FLG: variants seen among roughly 807,000 people sequenced by gnomAD.
FLG encodes filaggrin.
FLG carries 6 observed loss-of-function variants against 3.8 expected under a neutral mutation model. The ratio of observed to expected loss-of-function variants is 1.60; its 90% CI spans 0.87 to 3.15. The LOEUF (loss-of-function observed/expected upper bound fraction) is 3.15. Ranked by LOEUF, FLG falls within the 30% of genes most tolerant of loss-of-function variation. FLG has a pLI of 0.00. For missense variants in FLG, 7,595 were observed against 5,050.9 expected (o/e 1.50, Z -15.27); for synonymous variants, 2,551 against 1,931.6 (o/e 1.32, Z -8.41).
Position 152,309,846 on chromosome 1 carries a change from T to G in FLG, c.5040A>C (p.Arg1680Ser). ...CTGACTGCTGGTGGCGGGATCCATG[T>G]CTTTCTCCTGGACTTGACCTTGCCT... ...QEQARSSPGE[R>S]HGSRHQQSAD... is the part of the protein sequence containing the mutation. The change falls in exon 3 of 3, where the codon AGA becomes AGC. Residue 1680 changes from arginine (R) to serine (S), a missense_variant. Coordinates refer to ENST00000368799, the MANE Select transcript of FLG (RefSeq NM_002016.2). 1 of 1,614,128 alleles carries G rather than the reference T, an allele frequency of 6.2e-7. No homozygotes were observed. The highest frequency in any genetic ancestry group is 8.5e-7 in the Non-Finnish European group (1 of 1,180,024).
chr1:152,310,116 C>A lies in FLG; in HGVS notation c.4770G>T (p.Gln1590His). Residue 1590 changes from glutamine to histidine, a missense_variant, in exon 3 of 3, where the codon CAG becomes CAT. Coordinates refer to ENST00000368799, the MANE Select transcript of FLG (RefSeq NM_002016.2). Reference protein sequence around the residue: ...ESAGSKTSRRQGSSVSQDRDS... With the variant: ...ESAGSKTSRRHGSSVSQDRDS... ...CCCTGTCCTGACTAACACTGGATCC[C>A]TGGCGCCTGCTTGTCTTGGACCCCG... The A allele has an allele frequency of 6.2e-7, 1 of 1,613,952 alleles. No individual in the cohort carries two copies. Among genetic ancestry groups the A allele is most frequent in the South Asian group, 1.1e-5 (1 of 91,068 alleles).
Position 152,302,705 on chromosome 1 carries a change from C to A in FLG, c.12181G>T (p.Glu4061Ter), listed in dbSNP as rs769442034. 2.9e-5 allele frequency: 47 copies of A among 1,613,208 alleles called. No individual in the cohort carries two copies. Among genetic ancestry groups the A allele is most frequent in the Middle Eastern group, 1.6e-4 (1 of 6,082 alleles). ...ATTCCTTTGCCATTAATTTCTTACT[C>A]ATAGTAATAGTATCTCTGTGACTGA... The part of the protein sequence containing the change: ...FSQSQRYYYY[E>*] The change falls in exon 3 of 3, where the codon GAG becomes TAG. Residue 4061 changes from glutamate to a stop codon, truncating the protein, a stop_gained. Transcript: ENST00000368799. LOFTEE classifies it high-confidence loss of function.
At position 152,308,323 on chromosome 1, in the gene FLG, C is replaced by T; in HGVS notation, c.6563G>A (p.Ser2188Asn). 6.2e-7 allele frequency: 1 copy of T among 1,613,790 alleles called. No individual in the cohort carries two copies. Among genetic ancestry groups the T allele is most frequent in the Non-Finnish European group, 8.5e-7 (1 of 1,179,848 alleles). ...DASRGQSGSR[S>N]ASRKTYDKEQ... ...CTTGTCATATGTTTTTCTGCTTGCA[C>T]TTCTGGATCCTGACTGCCCACGGGA... The change falls in exon 3 of 3, where the codon AGT becomes AAT. Residue 2188 changes from serine (S) to asparagine (N), a missense_variant. Ser to Asn is a conservative substitution (Grantham distance 46). Coordinates refer to ENST00000368799, the MANE Select transcript of FLG (RefSeq NM_002016.2).
chr1:152,313,997 C>A lies in FLG; in HGVS notation c.889G>T (p.Val297Phe), dbSNP rs760545827. The A allele has an allele frequency of 1.2e-6, 2 of 1,614,126 alleles. No individual in the cohort carries two copies. Among genetic ancestry groups the A allele is most frequent in the African/African-American group, 2.7e-5 (2 of 74,940 alleles). The stretch of plus-strand genomic sequence containing the variant: ...CCCTCACTGTCCCTGTCCTGGCTAA[C>A]TCTGGATCCCCTACGCTTTCTTGTC... The part of the protein sequence containing the change: ...SRTRKRRGSR[V>F]SQDRDSEGHS... Residue 297 changes from valine (V) to phenylalanine (F), a missense_variant, in exon 3 of 3, where the codon GTT (valine) becomes TTT (phenylalanine). Val to Phe is a conservative substitution (Grantham distance 50, BLOSUM62 -1). Coordinates refer to ENST00000368799, the MANE Select transcript of FLG (RefSeq NM_002016.2).
rs747552589 is a variant in FLG at position 152,302,932 on chromosome 1, T to C, written c.11954A>G (p.Asp3985Gly). ...GTGTCTAAACCCGGATTCACCATAA[T>C]CATAATCTGCACTACCATAGCTGCC... ...RHGSYGSADY[D>G]YGESGFRHSQ... is the part of the protein sequence containing the mutation. Residue 3985 changes from aspartate (D) to glycine (G), a missense_variant, in exon 3 of 3, where the codon GAT (aspartate) becomes GGT (glycine). By Grantham distance (94) the Asp-to-Gly change is moderately conservative. Coordinates refer to ENST00000368799, the MANE Select transcript of FLG (RefSeq NM_002016.2). 2 of 1,614,184 alleles carry C rather than the reference T, an allele frequency of 1.2e-6. No individual in the cohort carries two copies. The highest frequency in any genetic ancestry group is 1.1e-5 in the South Asian group (1 of 91,068).
At position 152,302,967 on chromosome 1, in the gene FLG, A is replaced by G. The variant is rs775091760; in HGVS notation, c.11919T>C (p.Val3973=). The change falls in exon 3 of 3, where the codon GTT becomes GTC. Residue 3973 remains valine (V), a synonymous_variant. Coordinates refer to ENST00000368799, the MANE Select transcript of FLG (RefSeq NM_002016.2). ...TERQKGQSGL[V]WRHGSYGSAD... ...CACTACCATAGCTGCCATGTCTCCA[A>G]ACTAAACCTGATTGACCTTTTTGCC... is the stretch of plus-strand genomic sequence containing the variant. 17 of 1,614,152 alleles carry G rather than the reference A, an allele frequency of 1.1e-5. No individual in the cohort carries two copies. The highest frequency in any genetic ancestry group is 6.6e-5 in the South Asian group (6 of 91,076).
In FLG at chr1:152,321,057, T is replaced by A. The variant is rs371992821; in HGVS notation, c.-22+4132A>T. On this transcript the variant is annotated intron_variant, in intron 1 of 2. Coordinates refer to ENST00000368799, the MANE Select transcript of FLG (RefSeq NM_002016.2). ...GCCTAATAGATATTTATAGCCTATA[T>A]ATATATACACACACACATATATACA... Among the ~76,000 whole-genome samples, 121 of 151,046 alleles carry A rather than the reference T, an allele frequency of 8.0e-4. 3 individuals are homozygous for A. The South Asian group carries it at 9.5e-3, about 12-fold the overall frequency.
At chr1:152,324,390 T>G (rs1653080233) in intron 1 of FLG, among the ~76,000 whole-genome samples, 1 of 151,962 alleles carries the variant, frequency 6.6e-6, no homozygotes, top group African/African-American at 2.4e-5. Flanking sequence ...TTTTTAACTA[T>G]GTATGCTCTA....
At position 152,311,450 on chromosome 1, in the gene FLG, G is replaced by C. The variant is rs376703034; in HGVS notation, c.3436C>G (p.His1146Asp). 1 of 1,613,794 alleles carries C rather than the reference G, an allele frequency of 6.2e-7. No homozygotes were observed. The highest frequency in any genetic ancestry group is 1.3e-5 in the African/African-American group (1 of 74,856). ...TSTGRRQGSHHEQARDSSRHS... is the reference protein window; with the variant it reads ...TSTGRRQGSHDEQARDSSRHS... ...CTGGAGCTGTCTCGTGCCTGCTCGT[G>C]GTGGGATCCTTGTCTTCGTCCAGTG... is the stretch of plus-strand genomic sequence containing the variant. Residue 1146 changes from histidine to aspartate, a missense_variant, in exon 3 of 3, where the codon CAC (histidine) becomes GAC (aspartate). Physicochemically the swap from His to Asp is moderately conservative, Grantham distance 81. Coordinates refer to ENST00000368799, the MANE Select transcript of FLG (RefSeq NM_002016.2).
rs1651951282 is a variant in FLG, at chr1:152,306,184, G to C, written c.8702C>G (p.Ser2901Ter). The change falls in exon 3 of 3, where the codon TCA becomes TGA. Residue 2901 changes from serine to a stop codon, truncating the protein, a stop_gained. Coordinates refer to ENST00000368799, the MANE Select transcript of FLG (RefSeq NM_002016.2). LOFTEE classifies it low-confidence loss of function (END_TRUNC). ...VSQDSDSEGH[S>*]EDSERWSGSA... ...CCCAGACCACCTCTCAGAGTCTTCT[G>C]AATGTCCCTCACTGTCACTGTCCTG... 1 of 1,603,128 alleles carries C rather than the reference G, an allele frequency of 6.2e-7. No individual in the cohort carries two copies. Among genetic ancestry groups the C allele is most frequent in the Non-Finnish European group, 8.5e-7 (1 of 1,180,042 alleles).
rs1652663486 is a variant in FLG, at chr1:152,314,023, C to G, written c.863G>C (p.Arg288Thr). Residue 288 changes from arginine to threonine, a missense_variant, in exon 3 of 3, where the codon AGG becomes ACG. Physicochemically the swap from Arg to Thr is moderately conservative, Grantham distance 71. Coordinates refer to ENST00000368799, the MANE Select transcript of FLG (RefSeq NM_002016.2). ...TCTGGATCCCCTACGCTTTCTTGTC[C>G]TGGACTCCTGCAATGGTACCTGGCT... ...NTSQVPLQES[R>T]TRKRRGSRVS... 1 of 1,614,034 alleles carries G rather than the reference C, an allele frequency of 6.2e-7. No homozygotes were observed. The highest frequency in any genetic ancestry group is 8.5e-7 in the Non-Finnish European group (1 of 1,180,030).
Position 152,313,939 on chromosome 1 carries a change from G to A in FLG, c.947C>T (p.Ser316Leu), listed in dbSNP as rs376977047. The change falls in exon 3 of 3, where the codon TCG becomes TTG. Residue 316 changes from serine to leucine, a missense_variant. By Grantham distance (145) the Ser-to-Leu change is moderately radical. Transcript: ENST00000368799. ...AGATCCATGATGGTTTCTGGAAGCC[G>A]ACCCAGAGTGCCTCTCAGAGTCTTC... ...HSEDSERHSG[S>L]ASRNHHGSAW... 23 of 1,613,924 alleles carry A rather than the reference G, an allele frequency of 1.4e-5. 1 individual carries two copies. The highest frequency in any genetic ancestry group is 6.7e-5 in the African/African-American group (5 of 74,870).
At position 152,312,778 on chromosome 1, in the gene FLG, C is replaced by A. The variant is rs751571826; in HGVS notation, c.2108G>T (p.Ser703Ile). ...GCGGGATCCATGTCTTTCTCCTGCA[C>A]TTGATCTTGCCTGTTCATGGGATGA... ...AASSHEQARS[S>I]AGERHGSRHQ... The change falls in exon 3 of 3, where the codon AGT becomes ATT. Residue 703 changes from serine (S) to isoleucine (I), a missense_variant. Ser to Ile is a moderately radical substitution (Grantham distance 142). Coordinates refer to ENST00000368799, the MANE Select transcript of FLG (RefSeq NM_002016.2). The A allele has an allele frequency of 6.2e-7, 1 of 1,614,028 alleles. No homozygotes were observed. The highest frequency in any genetic ancestry group is 1.1e-5 in the South Asian group (1 of 91,078).
rs770355106 is a variant in FLG at position 152,307,263 on chromosome 1, G to C, written c.7623C>G (p.Ala2541=). ...CCACCTGCGAGTGTCCAGAGCTGTC[G>C]GCCCGAGAGGAAGCTTCATGGTGAC... is the stretch of plus-strand genomic sequence containing the variant. The part of the protein sequence containing the change: ...GSRHHEASSR[A]DSSGHSQVGQ... The change falls in exon 3 of 3, where the codon GCC becomes GCG. Residue 2541 remains alanine, a synonymous_variant. Coordinates refer to ENST00000368799, the MANE Select transcript of FLG (RefSeq NM_002016.2). 3.1e-6 allele frequency: 5 copies of C among 1,612,988 alleles called. No homozygotes were observed. In the South Asian group the frequency reaches 3.3e-5, roughly 11 times the overall value.
In FLG at chr1:152,303,345, C is replaced by G. The variant is rs747753756; in HGVS notation, c.11541G>C (p.Gln3847His). The part of the protein sequence containing the change: ...ADSSRHSQSG[Q>H]GESAGSRRSR... ...TTCTCCTGGACCCCGCTGATTCACC[C>G]TGGCCGGACTGTGAGTGTCTAGAGC... The change falls in exon 3 of 3, where the codon CAG (glutamine) becomes CAC (histidine). Residue 3847 changes from glutamine (Q) to histidine (H), a missense_variant. Transcript: ENST00000368799. The G allele has an allele frequency of 6.2e-7, 1 of 1,614,162 alleles. No homozygotes were observed. The highest frequency in any genetic ancestry group is 1.7e-5 in the Admixed American group (1 of 60,022).
At position 152,306,347 on chromosome 1, in the gene FLG, A is replaced by G. The variant is rs1651966386; in HGVS notation, c.8539T>C (p.Ser2847Pro). Residue 2847 changes from serine to proline, a missense_variant, in exon 3 of 3, where the codon TCA becomes CCA. Ser to Pro is a moderately conservative substitution (Grantham distance 74). Transcript: ENST00000368799. ...CCTGAGTGCCTGGAGCCGTCTCCTG[A>G]TTGTTCCTCATTACGTGTTGTTCTG... ...ASRTTRNEEQ[S>P]GDGSRHSGSR... 6.2e-7 allele frequency: 1 copy of G among 1,601,598 alleles called. No homozygotes were observed. The highest frequency in any genetic ancestry group is 8.5e-7 in the Non-Finnish European group (1 of 1,179,774).
chr1:152,315,128 GA>G (rs1454008114), intron 2 of FLG, among the ~76,000 whole-genome samples, 190 bp downstream of exon 2: 24 of 151,956 alleles, frequency 1.6e-4, no homozygotes, highest in African/African-American at 5.8e-4. Flanking sequence ...TTTTTTCTCT[GA>G]GGGTGTCTTT....
At position 152,310,002 on chromosome 1, in the gene FLG, A is replaced by T. The variant is rs748626221; in HGVS notation, c.4884T>A (p.His1628Gln). 1.2e-6 allele frequency: 2 copies of T among 1,613,692 alleles called. No individual in the cohort carries two copies. Among genetic ancestry groups the T allele is most frequent in the African/African-American group, 1.3e-5 (1 of 74,764 alleles). The change falls in exon 3 of 3, where the codon CAT becomes CAA. Residue 1628 changes from histidine (H) to glutamine (Q), a missense_variant. Coordinates refer to ENST00000368799, the MANE Select transcript of FLG (RefSeq NM_002016.2). ...HYGSAREQSRHGSRNPRSHQE... is the reference protein window; with the variant it reads ...HYGSAREQSRQGSRNPRSHQE... ...GATGGGACCTGGGGTTCCTGGAGCC[A>T]TGTCTTGACTGCTCCCGAGCAGATC...
Position 152,313,964 on chromosome 1 carries a change from C to G in FLG, c.922G>C (p.Glu308Gln). Reference protein sequence around the residue: ...SQDRDSEGHSEDSERHSGSAS... With the variant: ...SQDRDSEGHSQDSERHSGSAS... ...GACCCAGAGTGCCTCTCAGAGTCTT[C>G]TGAGTGTCCCTCACTGTCCCTGTCC... Residue 308 changes from glutamate to glutamine, a missense_variant, in exon 3 of 3, where the codon GAA (glutamate) becomes CAA (glutamine). Physicochemically the swap from Glu to Gln is conservative, Grantham distance 29. Transcript: ENST00000368799. The G allele has an allele frequency of 6.2e-7, 1 of 1,614,188 alleles. No individual in the cohort carries two copies. The highest frequency in any genetic ancestry group is 8.5e-7 in the Non-Finnish European group (1 of 1,180,036).
Sources: gnomAD v4.1 joint callset for allele counts (sites outside exome capture counted in the v4.1 genomes callset) on GRCh38, gnomAD v4.1.1 for gene constraint, MANE v1.5 for transcripts, NCBI Gene and HGNC (gene_info 2026-07-23, HGNC 2026-07-21) for gene names.